The following MME variants were observed in gnomAD, a reference collection of about 807,000 sequenced individuals.
The protein encoded by MME is neprilysin.
Under a neutral mutation model 113.2 loss-of-function variants are expected in MME, and 98 were observed. That is an observed-to-expected ratio of 0.87 (90% CI 0.74 to 1.02). MME has a LOEUF of 1.02. Among genes scored for constraint, MME ranks in the 50% least tolerant of loss-of-function variants. MME has a pLI of 0.00. For missense variants in MME, 836 were observed against 896.0 expected (o/e 0.93, Z 0.86); for synonymous variants, 292 against 300.6 (o/e 0.97, Z 0.30).
upstream of MME, among the ~76,000 whole-genome samples, chr3:155,076,672 G>A (rs535093327): frequency 3.3e-5 from 5 of 152,242 alleles, no homozygotes; most frequent in East Asian, 1.9e-4. Flanking sequence ...CAGCATAGGC[G>A]GCTTGACTGA....
At chr3:155,098,555 CA>C (rs34979254) in intron 3 of MME, among the ~76,000 whole-genome samples, 25,526 of 137,478 alleles carry the variant, frequency 0.19, 2,839 homozygotes, top group Non-Finnish European at 0.27. Context: ...GATTCTGTCT[CA>C]AAAAAAAAAA....
intron 1 of MME, among the ~76,000 whole-genome samples, chr3:155,069,215 A>C (rs1226784086): frequency 6.6e-6 from 1 of 152,218 alleles, no homozygotes; most frequent in African/African-American, 2.4e-5. Flanking sequence ...AATTCTAGAA[A>C]GAGAGAGATG....
At chr3:155,162,041 A>T (rs1722756008) in intron 17 of MME, among the ~76,000 whole-genome samples, 1 of 152,188 alleles carries the variant, frequency 6.6e-6, no homozygotes, top group South Asian at 2.1e-4. Flanking sequence ...TTAACTTTCA[A>T]TGGAATCCCA....
At chr3:155,129,988 C>G (rs1720010227) in intron 8 of MME, among the ~76,000 whole-genome samples, 1 of 151,950 alleles carries the variant, frequency 6.6e-6, no homozygotes, top group Non-Finnish European at 1.5e-5. Flanking sequence ...AGTCTGAACT[C>G]TGTATTGGGG....
chr3:155,148,634 G>A lies in MME; in HGVS notation c.1582G>A (p.Glu528Lys), dbSNP rs1721704264. The A allele has an allele frequency of 5.0e-6, 8 of 1,611,658 alleles. No individual in the cohort carries two copies. Among genetic ancestry groups the A allele is most frequent in the Non-Finnish European group, 6.8e-6 (8 of 1,178,200 alleles). The change falls in exon 16 of 23, where the codon GAA (glutamate) becomes AAA (lysine). Residue 528 changes from glutamate to lysine, a missense_variant. Glu to Lys is a moderately conservative substitution (Grantham distance 56, BLOSUM62 1). Coordinates refer to ENST00000360490, the MANE Select transcript of MME (RefSeq NM_007289.4). The stretch of plus-strand genomic sequence containing the variant: ...AAGTAAACAACTGAAGAAGCTCCGA[G>A]AAAAGGTGGACAAAGATGAGTGCGT... The part of the protein sequence containing the change: ...SQSKQLKKLR[E>K]KVDKDEWISG...
chr3:155,176,612 G>T (rs146705938), intron 22 of MME, among the ~76,000 whole-genome samples: 69 of 152,284 alleles, frequency 4.5e-4, no homozygotes, highest in Middle Eastern at 3.4e-3. Context: ...GATCACTTGA[G>T]CTCAGGAGTT....
At chr3:155,101,456 G>A (rs1717213726) in intron 3 of MME, among the ~76,000 whole-genome samples, 1 of 152,118 alleles carries the variant, frequency 6.6e-6, no homozygotes, top group African/African-American at 2.4e-5. Flanking sequence ...AAGGTCAGTA[G>A]CTCAAACATT....
chr3:155,048,087 C>T (rs546265863), intron 1 of MME, among the ~76,000 whole-genome samples: 20 of 152,220 alleles, frequency 1.3e-4, no homozygotes, highest in South Asian at 2.1e-4. Context: ...ATCAAAGCTC[C>T]GTCCCATTTT....
At chr3:155,164,795 G>A (rs1722968267) in intron 17 of MME, among the ~76,000 whole-genome samples, 3 of 152,252 alleles carry the variant, frequency 2.0e-5, no homozygotes, top group Admixed American at 1.3e-4. Flanking sequence ...TACACGTGAG[G>A]TATAACTTTC....
upstream of MME, among the ~76,000 whole-genome samples, chr3:155,078,422 T>C (rs191105794): frequency 7.9e-5 from 12 of 152,282 alleles, no homozygotes; most frequent in South Asian, 2.5e-3. Flanking sequence ...TTAATCGAAT[T>C]ATTTAAAGAT....
chr3:155,125,562 C>T (rs1016558342), intron 8 of MME, among the ~76,000 whole-genome samples: 1 of 143,814 alleles, frequency 7.0e-6, no homozygotes, highest in Non-Finnish European at 1.5e-5. Flanking sequence ...CTGGTTCAAG[C>T]AATTCTCCCA....
chr3:155,139,382 G>A (rs1720880930), intron 9 of MME, among the ~76,000 whole-genome samples: 1 of 152,136 alleles, frequency 6.6e-6, no homozygotes, highest in South Asian at 2.1e-4. Context: ...ACAAAATCCA[G>A]CATAGTATTG....
intron 1 of MME, among the ~76,000 whole-genome samples, chr3:155,064,010 G>GC (rs1253450207): frequency 1.3e-5 from 2 of 151,916 alleles, no homozygotes; most frequent in Non-Finnish European, 2.9e-5. Context: ...GAAAGAGAAG[G>GC]CCCAGCATGG....
chr3:155,149,365 G>A (rs1398303834), intron 16 of MME, among the ~76,000 whole-genome samples: 1 of 152,072 alleles, frequency 6.6e-6, no homozygotes, highest in African/African-American at 2.4e-5. Context: ...TGACCATAAA[G>A]TCTCAGCATC....
At chr3:155,139,559 G>T (rs963979472) in intron 9 of MME, among the ~76,000 whole-genome samples, 2 of 152,070 alleles carry the variant, frequency 1.3e-5, no homozygotes, top group Non-Finnish European at 2.9e-5. Flanking sequence ...CACTAGTTGG[G>T]GAGTTGTTAT....
chr3:155,136,261 A>G lies in MME; in HGVS notation c.721-1841A>G, dbSNP rs138380988. 2.2e-3 allele frequency among the ~76,000 whole-genome samples: 332 copies of G among 152,242 alleles called. 2 individuals carry two copies. Among genetic ancestry groups the G allele is most frequent in the African/African-American group, 7.6e-3 (317 of 41,550 alleles). On this transcript the variant is annotated intron_variant, in intron 8 of 22. Transcript: ENST00000360490. ...TGCTTCCACATTTTGCCTATCCAGT[A>G]TGATGTTGGCTGTGGGTTTGTTATG...
chr3:155,143,374 A>C, intron 12 of MME, 69 bp from the exon 13 acceptor site: 1 of 1,566,622 alleles, frequency 6.4e-7, no homozygotes, highest in Non-Finnish European at 8.8e-7. Flanking sequence ...CATTTGTGAA[A>C]TGTGTGCTCT....
intron 16 of MME, chr3:155,159,108 A>T (rs1349479636): frequency 2.0e-5 from 3 of 152,096 alleles, no homozygotes; most frequent in African/African-American, 7.2e-5. Context: ...GTTGTTATAT[A>T]TTGCCCTGTG....
Position 155,148,609 on chromosome 3 carries a change from A to C in MME, c.1557A>C (p.Gln519His), listed in dbSNP as rs1285064144. ...TAATTCAAAATTTGAAATTCAGCCAAAGTAAACAACTGAAGAAGCTCCGAG... is the reference window on the plus strand; with the variant it reads ...TAATTCAAAATTTGAAATTCAGCCACAGTAAACAACTGAAGAAGCTCCGAG... ...ENIIQNLKFSQSKQLKKLREK... is the reference protein window; with the variant it reads ...ENIIQNLKFSHSKQLKKLREK... Residue 519 changes from glutamine (Q) to histidine (H), a missense_variant, in exon 16 of 23, where the codon CAA (glutamine) becomes CAC (histidine). Coordinates refer to ENST00000360490, the MANE Select transcript of MME (RefSeq NM_007289.4). 2.5e-6 allele frequency: 4 copies of C among 1,612,908 alleles called. No individual in the cohort carries two copies. Among genetic ancestry groups the C allele is most frequent in the East Asian group, 4.5e-5 (2 of 44,772 alleles).
Sources: gnomAD v4.1 joint callset for allele counts (sites outside exome capture counted in the v4.1 genomes callset) on GRCh38, gnomAD v4.1.1 for gene constraint, MANE v1.5 for transcripts, NCBI Gene and HGNC (gene_info 2026-07-23, HGNC 2026-07-21) for gene names.